The following THOC5 variants were observed in gnomAD, a reference collection of about 807,000 sequenced individuals.
THOC5 encodes Fms-interacting protein.
Under a neutral mutation model 92.9 loss-of-function variants are expected in THOC5, and 43 were observed. The ratio of observed to expected loss-of-function variants is 0.46; its 90% CI spans 0.36 to 0.60. THOC5 has a LOEUF of 0.60. Ranked by LOEUF, THOC5 falls within the 20% of genes least tolerant of loss-of-function variation. The pLI, the probability that THOC5 is intolerant of heterozygous loss-of-function variation, is 0.00. For missense variants in THOC5, 659 were observed against 849.4 expected (o/e 0.78, Z 2.79); for synonymous variants, 296 against 320.1 (o/e 0.92, Z 0.80).
rs775679412 is a variant in THOC5, at chr22:29,536,745, G to T, written c.600-7C>A. The stretch of plus-strand genomic sequence containing the variant: ...TCGGTACTTCTCTGCCAGCCTGTTG[G>T]GGGAGGAAAGAGCATTGTCACCTGA... On this transcript the variant is annotated splice_region_variant and splice_polypyrimidine_tract_variant and intron_variant, in intron 6 of 19. Transcript: ENST00000490103. The T allele has an allele frequency of 1.1e-5, 17 of 1,537,004 alleles. No homozygotes were observed. The highest frequency in any genetic ancestry group is 1.7e-5 in the Admixed American group (1 of 59,900).
At position 29,507,351 on chromosome 22, in the gene THOC5, T is replaced by C. The variant is rs1389134305; in HGVS notation, c.*1106A>G. The C allele has an allele frequency of 6.6e-6, 1 of 152,196 alleles. No homozygotes were observed. Among genetic ancestry groups the C allele is most frequent in the Non-Finnish European group, 1.5e-5 (1 of 68,030 alleles). The allele number at this position is 152,196 out of a possible 1,614,324, so 9.4% of individuals were successfully genotyped here. A position where few individuals can be genotyped will look rare whatever the true frequency, so the allele number is the denominator to read the frequency against. On this transcript the variant is annotated 3_prime_UTR_variant, in exon 20 of 20. Coordinates refer to ENST00000490103, the MANE Select transcript of THOC5 (RefSeq NM_003678.5). ...TACTTAATAGTAGATATATATTTTC[T>C]TCCTTATGGCTTTCTTATTTATTTA...
intron 1 of THOC5, among the ~76,000 whole-genome samples, chr22:29,550,209 G>A (rs2064113587): frequency 6.6e-6 from 1 of 152,130 alleles, no homozygotes; most frequent in Non-Finnish European, 1.5e-5. Flanking sequence ...TTTCACAGAT[G>A]ACAAAACTGA....
chr22:29,548,031 C>T (rs2064061536), intron 2 of THOC5, among the ~76,000 whole-genome samples: 1 of 152,052 alleles, frequency 6.6e-6, no homozygotes, highest in South Asian at 2.1e-4. Context: ...AAGCAGAAAC[C>T]CCTGATGAGC....
intron 7 of THOC5, among the ~76,000 whole-genome samples, chr22:29,533,039 GA>G (rs2063687145): frequency 6.6e-6 from 1 of 152,110 alleles, no homozygotes; most frequent in African/African-American, 2.4e-5. Context: ...AAAAACCTGA[GA>G]AATGAAAAGT....
In THOC5 at chr22:29,533,469, T is replaced by C. The variant is rs562213871; in HGVS notation, c.715-1506A>G. On this transcript the variant is annotated intron_variant, in intron 7 of 19. Transcript: ENST00000490103. ...GAAAAAATGAATCTTTACCCTTAAC[T>C]AACAAAATCACTTCCAGGATGACAA... 7.2e-5 allele frequency among the ~76,000 whole-genome samples: 11 copies of C among 152,276 alleles called. No homozygotes were observed. In the East Asian group the frequency reaches 1.5e-3, roughly 21 times the overall value.
intron 8 of THOC5, among the ~76,000 whole-genome samples, 175 bp from the exon 9 acceptor site, chr22:29,529,414 G>T (rs991968222): frequency 2.0e-5 from 3 of 152,190 alleles, no homozygotes; most frequent in African/African-American, 7.2e-5. Flanking sequence ...GGACACTTAA[G>T]CTTTTTTTTC....
At chr22:29,537,602 C>A (rs570514370) in intron 6 of THOC5, among the ~76,000 whole-genome samples, 1 of 151,928 alleles carries the variant, frequency 6.6e-6, no homozygotes, top group Non-Finnish European at 1.5e-5. Context: ...ATTAAAAATA[C>A]AAAAATTGGC....
intron 2 of THOC5, among the ~76,000 whole-genome samples, chr22:29,546,409 T>TTTTTC (rs55872235): frequency 0.86 from 130,244 of 151,590 alleles, 56,412 homozygotes; most frequent in African/African-American, 0.96. Flanking sequence ...AAAAAATGGG[T>TTTTTC]TTTTCTTTCC....
chr22:29,534,425 T>TA (rs2063714435), intron 7 of THOC5: 1 of 152,328 alleles, frequency 6.6e-6, no homozygotes, highest in African/African-American at 2.4e-5. Flanking sequence ...CTTTTCTGTA[T>TA]AAAAAACTCT....
rs781047344 is a variant in THOC5 at position 29,544,471 on chromosome 22, C to G, written c.229G>C (p.Gly77Arg). ...GTCCCACTCCTTACCACATCCTTGC[C>G]ACCCCTGCTCTTCAGGTCTTGGATC... is the stretch of plus-strand genomic sequence containing the variant. ...AEIQDLKSRG[G>R]KDVAIEIEER... Residue 77 changes from glycine to arginine, a missense_variant, in exon 3 of 20, where the codon GGC becomes CGC. Gly to Arg is a moderately radical substitution (Grantham distance 125). Transcript: ENST00000490103. 3.7e-6 allele frequency: 6 copies of G among 1,613,306 alleles called. No homozygotes were observed. Among genetic ancestry groups the G allele is most frequent in the Non-Finnish European group, 5.1e-6 (6 of 1,179,748 alleles).
chr22:29,513,436 C>T (rs2063267198), intron 17 of THOC5, among the ~76,000 whole-genome samples: 1 of 151,878 alleles, frequency 6.6e-6, no homozygotes, highest in African/African-American at 2.4e-5. Flanking sequence ...GGGGTCACGC[C>T]TATAATCCCA....
In THOC5 at chr22:29,511,274, A is replaced by G. The variant is rs755098807; in HGVS notation, c.1820T>C (p.Val607Ala). The G allele has an allele frequency of 1.2e-6, 2 of 1,613,560 alleles. No homozygotes were observed. Among genetic ancestry groups the G allele is most frequent in the Non-Finnish European group, 1.7e-6 (2 of 1,179,956 alleles). ...NIRAMEGEVN[V>A]CYKELCGPWP... ...AGGGCCACACAGCTCCTTGTAGCAC[A>G]CATTGACTTCGCCCTCCATGGCCTG... is the stretch of plus-strand genomic sequence containing the variant. Residue 607 changes from valine to alanine, a missense_variant, in exon 19 of 20, where the codon GTG becomes GCG. By Grantham distance (64) the Val-to-Ala change is moderately conservative. Coordinates refer to ENST00000490103, the MANE Select transcript of THOC5 (RefSeq NM_003678.5).
At chr22:29,531,503 C>T in intron 8 of THOC5, 1 of 1,079,770 alleles carries the variant, frequency 9.3e-7, no homozygotes, top group South Asian at 3.7e-5. Flanking sequence ...GAGCAAGAGG[C>T]ACTGATCTAA....
chr22:29,538,801 GA>G (rs1377166309), intron 6 of THOC5, among the ~76,000 whole-genome samples: 5 of 91,962 alleles, frequency 5.4e-5, no homozygotes, highest in Admixed American at 4.0e-4. Context: ...CATCTCTTTG[GA>G]AAAAAAAAAA....
At chr22:29,551,795 TC>T (rs1177827863) in intron 1 of THOC5, among the ~76,000 whole-genome samples, 6 of 49,180 alleles carry the variant, frequency 1.2e-4, no homozygotes, top group African/African-American at 2.4e-4. Context: ...CCCCTCCCCC[TC>T]CCCCCTCCCC....
chr22:29,542,985 C>T lies in THOC5; in HGVS notation c.355-29G>A, dbSNP rs769354366. On this transcript the variant is annotated intron_variant, in intron 4 of 19. Transcript: ENST00000490103. ...AAAGGAAAATACGATCAGAAGTGAG[C>T]AGGGCAAGTCAGGATGGAGCAGAGG... 2.6e-6 allele frequency: 4 copies of T among 1,535,672 alleles called. No individual in the cohort carries two copies. The African/African-American group carries it at 5.4e-5, about 21-fold the overall frequency.
chr22:29,529,375 C>T, intron 8 of THOC5, 136 bp from the exon 9 acceptor site: 1 of 837,680 alleles, frequency 1.2e-6, no homozygotes, highest in Non-Finnish European at 1.9e-6. Flanking sequence ...GGGCAAAAGT[C>T]CTTGCTCCAG....
At chr22:29,520,775 C>T (rs1367002438) in intron 13 of THOC5, among the ~76,000 whole-genome samples, 2 of 152,222 alleles carry the variant, frequency 1.3e-5, no homozygotes, top group African/African-American at 2.4e-5. Context: ...GGATTACAGG[C>T]GTGAGCCACC....
rs2063146423 is a variant in THOC5, at chr22:29,507,001, T to A, written c.*1456A>T. On this transcript the variant is annotated 3_prime_UTR_variant, in exon 20 of 20. Transcript: ENST00000490103. ...CGCCCACCTCAGCCTTCTGAGTAAC[T>A]GGGACTATTGGTGCATACCACCACA... The A allele has an allele frequency of 6.6e-6, 1 of 152,278 alleles. No homozygotes were observed. Among genetic ancestry groups the A allele is most frequent in the Non-Finnish European group, 1.5e-5 (1 of 68,116 alleles). 9.4% of individuals were successfully genotyped at this position (152,278 alleles called of 1,614,324 possible). A position where few individuals can be genotyped will look rare whatever the true frequency, so the allele number is the denominator to read the frequency against.
Sources: gnomAD v4.1 joint callset for allele counts (sites outside exome capture counted in the v4.1 genomes callset) on GRCh38, gnomAD v4.1.1 for gene constraint, MANE v1.5 for transcripts, NCBI Gene and HGNC (gene_info 2026-07-23, HGNC 2026-07-21) for gene names.